The following SEMA4D variants were observed in gnomAD, a reference collection of about 807,000 sequenced individuals.
SEMA4D encodes semaphorin-4D.
SEMA4D carries 22 observed loss-of-function variants against 74.8 expected under a neutral mutation model. The observed-to-expected ratio is 0.29, with a 90% confidence interval of 0.21 to 0.42. The LOEUF is 0.42. Ranked by LOEUF, SEMA4D falls within the 10% of genes least tolerant of loss-of-function variation. SEMA4D has a pLI of 1.00. For synonymous variants in SEMA4D, 445 were observed against 463.7 expected (o/e 0.96, Z 0.52); for missense variants, 937 against 1,118.4 (o/e 0.84, Z 2.31).
At chr9:89,474,524 A>G (rs1861287721) in intron 1 of SEMA4D, among the ~76,000 whole-genome samples, 1 of 152,246 alleles carries the variant, frequency 6.6e-6, no homozygotes, top group African/African-American at 2.4e-5. Flanking sequence ...TATGACCAGA[A>G]GCACTAAAAC....
chr9:89,395,019 T>G (rs1740921877), intron 6 of SEMA4D, among the ~76,000 whole-genome samples: 2 of 152,198 alleles, frequency 1.3e-5, no homozygotes, highest in South Asian at 2.1e-4. Flanking sequence ...CACATAGACA[T>G]GCACAGGCAC....
intron 1 of SEMA4D, among the ~76,000 whole-genome samples, chr9:89,456,876 C>T (rs949079256): frequency 1.3e-5 from 2 of 152,184 alleles, no homozygotes; most frequent in African/African-American, 2.4e-5. Context: ...CATGAGCCAC[C>T]GCGTCCAGCT....
intron 1 of SEMA4D, among the ~76,000 whole-genome samples, chr9:89,475,744 G>A (rs1023329397): frequency 6.6e-6 from 1 of 152,210 alleles, no homozygotes; most frequent in African/African-American, 2.4e-5. Context: ...GGTCTGATAA[G>A]AGCACGCCAG....
At chr9:89,441,304 C>T (rs1851619235) in intron 2 of SEMA4D, among the ~76,000 whole-genome samples, 1 of 152,286 alleles carries the variant, frequency 6.6e-6, no homozygotes, top group South Asian at 2.1e-4. Context: ...CAGCAGCGGG[C>T]AATTTCCACA....
intron 1 of SEMA4D, among the ~76,000 whole-genome samples, chr9:89,471,352 G>A (rs1860161731): frequency 6.6e-6 from 1 of 152,144 alleles, no homozygotes; most frequent in African/African-American, 2.4e-5. Flanking sequence ...TGGTTAAAAT[G>A]ATCAATTTTA....
rs766482354 is a variant in SEMA4D, at chr9:89,388,792, C to T, written c.951G>A (p.Leu317=). 3 of 1,604,984 alleles carry T rather than the reference C, an allele frequency of 1.9e-6. No individual in the cohort carries two copies. Among genetic ancestry groups the T allele is most frequent in the South Asian group, 2.2e-5 (2 of 90,912 alleles). Residue 317 remains leucine, a splice_region_variant and synonymous_variant, in exon 11 of 16, where the codon CTG becomes CTA. Coordinates refer to ENST00000422704, the MANE Select transcript of SEMA4D (RefSeq NM_001371194.2). ...ACACTGCCGACAGCCCCACGTTGTT[C>T]CTGGGGAGGGGAAAGAGGTGACGGG... ...PVFYALFTPQ[L]NNVGLSAVCA... is the part of the protein sequence containing the mutation.
chr9:89,463,439 T>C (rs1857829964), intron 1 of SEMA4D, among the ~76,000 whole-genome samples: 1 of 152,224 alleles, frequency 6.6e-6, no homozygotes, highest in Non-Finnish European at 1.5e-5. Flanking sequence ...CATTCCCAGG[T>C]GCTAAATCTG....
chr9:89,387,424 A>G lies in SEMA4D; in HGVS notation c.1292T>C (p.Leu431Pro). The change falls in exon 12 of 16, where the codon CTG becomes CCG. Residue 431 changes from leucine to proline, a missense_variant. Coordinates refer to ENST00000422704, the MANE Select transcript of SEMA4D (RefSeq NM_001371194.2). ...TQIVVDRTQA[L>P]DGTVYDVMFV... ...CATGACATCATAGACAGTCCCATCC[A>G]GGGCCTGGGTCCGGTCCACCACGAT... is the stretch of plus-strand genomic sequence containing the variant. The G allele has an allele frequency of 6.2e-7, 1 of 1,614,184 alleles. No individual in the cohort carries two copies. The highest frequency in any genetic ancestry group is 1.7e-4 in the Middle Eastern group (1 of 6,058).
chr9:89,434,949 G>C (rs1234509032), intron 2 of SEMA4D, among the ~76,000 whole-genome samples: 1 of 152,004 alleles, frequency 6.6e-6, no homozygotes, highest in African/African-American at 2.4e-5. Context: ...TTTTTCTCCT[G>C]AAAGAAAAAA....
chr9:89,439,803 T>C (rs1287831456), intron 2 of SEMA4D, among the ~76,000 whole-genome samples: 1 of 152,224 alleles, frequency 6.6e-6, no homozygotes, highest in Non-Finnish European at 1.5e-5. Flanking sequence ...GGTTATTTTC[T>C]CTTTACAAAA....
chr9:89,394,485 A>G (rs1205027582), intron 6 of SEMA4D, among the ~76,000 whole-genome samples: 2 of 152,278 alleles, frequency 1.3e-5, no homozygotes, highest in Non-Finnish European at 2.9e-5. Context: ...CCATCTGGAC[A>G]GCACAGACGA....
chr9:89,479,763 A>G (rs1017423328), intron 1 of SEMA4D: 4 of 164,774 alleles, frequency 2.4e-5, no homozygotes, highest in Non-Finnish European at 5.2e-5. Flanking sequence ...TGGGCTCAGG[A>G]GTGAAGCTGC....
At chr9:89,480,517 G>A (rs557814039) in intron 1 of SEMA4D, among the ~76,000 whole-genome samples, 21 of 152,344 alleles carry the variant, frequency 1.4e-4, no homozygotes, top group African/African-American at 4.1e-4. Context: ...CATGGAGTGG[G>A]TGGGAGGCTC....
intron 6 of SEMA4D, among the ~76,000 whole-genome samples, chr9:89,394,973 A>T (rs1588276976): frequency 6.6e-6 from 1 of 152,252 alleles, no homozygotes; most frequent in Admixed American, 6.5e-5. Context: ...GTCATAGTTC[A>T]GCAAGCACAC....
intron 1 of SEMA4D, among the ~76,000 whole-genome samples, chr9:89,475,932 T>C (rs1861629523): frequency 6.6e-6 from 1 of 151,994 alleles, no homozygotes; most frequent in South Asian, 2.1e-4. Flanking sequence ...TGAAGGAAAA[T>C]GAAGCAGTTT....
intron 5 of SEMA4D, among the ~76,000 whole-genome samples, chr9:89,398,253 T>C (rs1357221615): frequency 2.0e-5 from 3 of 152,052 alleles, no homozygotes; most frequent in Non-Finnish European, 4.4e-5. Flanking sequence ...CCAGACTCAG[T>C]TGATAGAGAA....
Position 89,402,990 on chromosome 9 carries a change from G to C in SEMA4D, c.133C>G (p.Pro45Ala), listed in dbSNP as rs1208363983. 6.2e-7 allele frequency: 1 copy of C among 1,612,206 alleles called. No homozygotes were observed. The change falls in exon 4 of 16, where the codon CCA becomes GCA. Residue 45 changes from proline to alanine, a missense_variant. Transcript: ENST00000422704. ...AAGGCTGAGTAGTTGTAGATGTCTG[G>C]CTCATGAAACTGCACCAGGTGCACC... ...REVHLVQFHE[P>A]DIYNYSALLL...
Position 89,386,498 on chromosome 9 carries a change from T to C in SEMA4D, c.1331-16A>G. On this transcript the variant is annotated splice_polypyrimidine_tract_variant and intron_variant, in intron 12 of 15. Coordinates refer to ENST00000422704, the MANE Select transcript of SEMA4D (RefSeq NM_001371194.2). Reference sequence around the variant, plus strand: ...GCTCCCCGGTCTGCAGGGCCAAAGCTACAGGTCAGTGACACTAACCCAGAC... The same window carrying C: ...GCTCCCCGGTCTGCAGGGCCAAAGCCACAGGTCAGTGACACTAACCCAGAC... 1.3e-6 allele frequency: 2 copies of C among 1,589,258 alleles called. No homozygotes were observed. The highest frequency in any genetic ancestry group is 1.7e-6 in the Non-Finnish European group (2 of 1,157,558).
intron 2 of SEMA4D, among the ~76,000 whole-genome samples, chr9:89,455,003 G>T (rs1407173138): frequency 6.6e-6 from 1 of 152,262 alleles, no homozygotes; most frequent in Non-Finnish European, 1.5e-5. Context: ...TGGCCCAGCA[G>T]CCCTGCAGGG....
Sources: gnomAD v4.1 joint callset for allele counts (sites outside exome capture counted in the v4.1 genomes callset) on GRCh38, gnomAD v4.1.1 for gene constraint, MANE v1.5 for transcripts, NCBI Gene and HGNC (gene_info 2026-07-23, HGNC 2026-07-21) for gene names.